The following ROBO2 variants were observed in gnomAD, a reference collection of about 807,000 sequenced individuals.
ROBO2 encodes the protein roundabout homolog 2.
ROBO2 carries 53 observed loss-of-function variants against 160.8 expected under a neutral mutation model. The ratio of observed to expected loss-of-function variants is 0.33; its 90% confidence interval spans 0.26 to 0.41. The LOEUF (loss-of-function observed/expected upper bound fraction) is 0.41. Ranked by LOEUF, ROBO2 falls within the 10% of genes least tolerant of loss-of-function variation. ROBO2 has a pLI of 1.00. For synonymous variants in ROBO2, 664 were observed against 611.7 expected, an observed-to-expected ratio of 1.09 and a Z score of -1.26; for missense variants, 1,577 against 1,722.4, an observed-to-expected ratio of 0.92 and a Z score of 1.49.
chr3:75,974,630 G>A (rs1324261487), intron 2 of ROBO2, among the ~76,000 whole-genome samples: 2 of 151,568 alleles, frequency 1.3e-5, no homozygotes, highest in Non-Finnish European at 3.0e-5. Context: ...TGGCTAAACA[G>A]TGTTTCAGAT....
intron 2 of ROBO2, among the ~76,000 whole-genome samples, chr3:77,135,158 C>G (rs542248620): frequency 2.0e-4 from 31 of 152,262 alleles, no homozygotes; most frequent in African/African-American, 7.5e-4. Flanking sequence ...CTTCAACATG[C>G]AAAACTCCTA....
intron 4 of ROBO2, among the ~76,000 whole-genome samples, chr3:77,492,496 A>AG (rs1325875883): frequency 6.6e-6 from 1 of 152,194 alleles, no homozygotes; most frequent in African/African-American, 2.4e-5. Context: ...AAAAGAAGAA[A>AG]GGATGAAAAC....
At chr3:77,592,548 T>C (rs925457486) in intron 17 of ROBO2, among the ~76,000 whole-genome samples, 1 of 151,970 alleles carries the variant, frequency 6.6e-6, no homozygotes, top group Admixed American at 6.6e-5. Flanking sequence ...TATATATATA[T>C]AAATATATAA....
At chr3:77,602,343 A>G (rs1045411816) in exon 20 of ROBO2, 5 of 1,614,132 alleles carry the variant, frequency 3.1e-6, no homozygotes, top group Non-Finnish European at 4.2e-6. Context: ...AGGCTACCCC[A>G]TATGCCACGA....
intron 2 of ROBO2, among the ~76,000 whole-genome samples, chr3:76,839,493 C>T (rs541023371): frequency 1.4e-4 from 22 of 152,262 alleles, no homozygotes; most frequent in Middle Eastern, 3.4e-3. Flanking sequence ...GTTGAACCAT[C>T]CTTGCATCCC....
intron 2 of ROBO2, among the ~76,000 whole-genome samples, chr3:76,061,861 T>C (rs2068080752): frequency 6.6e-6 from 1 of 152,126 alleles, no homozygotes; most frequent in Non-Finnish European, 1.5e-5. Context: ...TTCCTTTCTT[T>C]TTCTGTCCGA....
intron 2 of ROBO2, among the ~76,000 whole-genome samples, chr3:76,808,462 A>G (rs919203053): frequency 6.6e-6 from 1 of 152,174 alleles, no homozygotes; most frequent in East Asian, 1.9e-4. Context: ...TGAATTAAAC[A>G]TAAATATTTT....
At chr3:77,036,185 T>G (rs1179094648), upstream of ROBO2, among the ~76,000 whole-genome samples, 1 of 151,974 alleles carries the variant, frequency 6.6e-6, no homozygotes, top group Non-Finnish European at 1.5e-5. Flanking sequence ...TTCATTTTTC[T>G]CATCTGTACA....
chr3:77,621,910 A>C (rs769028205), intron 22 of ROBO2, among the ~76,000 whole-genome samples: 16 of 152,238 alleles, frequency 1.1e-4, no homozygotes, highest in Non-Finnish European at 2.1e-4. Flanking sequence ...TATTCACTTT[A>C]AATAGTTACT....
At chr3:77,058,922 A>G (rs1179439251) in intron 1 of ROBO2, among the ~76,000 whole-genome samples, 1 of 152,182 alleles carries the variant, frequency 6.6e-6, no homozygotes, top group African/African-American at 2.4e-5. Flanking sequence ...AATCACATGT[A>G]TATATTAATT....
chr3:76,851,686 G>A (rs1459187451), intron 2 of ROBO2, among the ~76,000 whole-genome samples: 3 of 134,860 alleles, frequency 2.2e-5, no homozygotes, highest in African/African-American at 8.7e-5. Flanking sequence ...AGTGAGCCGA[G>A]ATTGCGCCAC....
At chr3:76,211,210 A>T (rs931035105) in intron 2 of ROBO2, among the ~76,000 whole-genome samples, 1 of 152,190 alleles carries the variant, frequency 6.6e-6, no homozygotes, top group East Asian at 1.9e-4. Context: ...CCCTTTCTGT[A>T]CAATTTTCCA....
intron 1 of ROBO2, among the ~76,000 whole-genome samples, chr3:77,050,707 A>G (rs2065144800): frequency 6.6e-6 from 1 of 151,708 alleles, no homozygotes; most frequent in Admixed American, 6.6e-5. Flanking sequence ...CAAGAGTTAA[A>G]CAATAATAAT....
chr3:76,359,681 C>T (rs1443791209), intron 2 of ROBO2, among the ~76,000 whole-genome samples: 1 of 151,902 alleles, frequency 6.6e-6, no homozygotes, highest in Non-Finnish European at 1.5e-5. Flanking sequence ...GGTATTGTTA[C>T]TGGATTTTTT....
intron 2 of ROBO2, among the ~76,000 whole-genome samples, chr3:76,452,036 G>C (rs2077499980): frequency 6.6e-6 from 1 of 152,058 alleles, no homozygotes. Flanking sequence ...ACGTATCTGA[G>C]AATATAAATC....
chr3:76,732,749 G>A (rs1394582310), intron 2 of ROBO2, among the ~76,000 whole-genome samples: 2 of 152,162 alleles, frequency 1.3e-5, no homozygotes, highest in East Asian at 3.8e-4. Flanking sequence ...TCATGGGATG[G>A]CCAGAAAAGA....
chr3:76,466,267 G>A (rs1263513531), intron 2 of ROBO2, among the ~76,000 whole-genome samples: 1 of 151,512 alleles, frequency 6.6e-6, no homozygotes, highest in Non-Finnish European at 1.5e-5. Flanking sequence ...TTTGTTGTCA[G>A]GAAGAATTAT....
At chr3:75,927,130 C>G (rs1947324198) in intron 1 of ROBO2, among the ~76,000 whole-genome samples, 1 of 152,146 alleles carries the variant, frequency 6.6e-6, no homozygotes, top group African/African-American at 2.4e-5. Flanking sequence ...TTATCAAGGT[C>G]CTCTTTAATT....
At chr3:76,062,509 T>G (rs1454661900) in intron 2 of ROBO2, among the ~76,000 whole-genome samples, 1 of 152,164 alleles carries the variant, frequency 6.6e-6, no homozygotes, top group African/African-American at 2.4e-5. Context: ...TTCTCCCTCC[T>G]TCATTGATAT....
Sources: gnomAD v4.1 joint callset for allele counts (sites outside exome capture counted in the v4.1 genomes callset) on GRCh38, gnomAD v4.1.1 for gene constraint, MANE v1.5 for transcripts, NCBI Gene and HGNC (gene_info 2026-07-23, HGNC 2026-07-21) for gene names.